Variants in KCMF1 observed in about 807,000 individuals in gnomAD.
KCMF1 encodes the protein potassium channel modulatory factor 1, also known as E3 ubiquitin-protein ligase KCMF1.
A neutral mutation model predicts 41.1 loss-of-function variants in KCMF1; 3 were observed. The ratio of observed to expected loss-of-function variants is 0.07; its 90% confidence interval spans 0.03 to 0.19. The LOEUF is 0.19. Among genes scored for constraint, KCMF1 ranks in the 10% least tolerant of loss-of-function variants. The pLI is 1.00. For synonymous variants in KCMF1, 142 were observed against 164.5 expected (o/e 0.86, Z 1.04); for missense variants, 286 against 488.9 (o/e 0.58, Z 3.91).
At chr2:85,042,517 G>A (rs948057349) in intron 3 of KCMF1, among the ~76,000 whole-genome samples, 1 of 152,118 alleles carries the variant, frequency 6.6e-6, no homozygotes, top group African/African-American at 2.4e-5. Flanking sequence ...CACATGTACT[G>A]GCAATGAATC....
At chr2:84,971,877 C>T (rs930633694) in intron 1 of KCMF1, 1 of 151,872 alleles carries the variant, frequency 6.6e-6, no homozygotes, top group African/African-American at 2.4e-5. Context: ...CCGGTGTGGT[C>T]GCAGAGCCGG....
Position 85,026,248 on chromosome 2 carries a change from C to A in KCMF1, c.17-1641C>A, listed in dbSNP as rs537194730. Among the ~76,000 whole-genome samples, 24 of 151,982 alleles carry A rather than the reference C, an allele frequency of 1.6e-4. No individual in the cohort carries two copies. In the South Asian group the frequency reaches 2.9e-3, roughly 18 times the overall value. Reference sequence around the variant, plus strand: ...TCAGGTGATCCGCCCACCTCAGTCTCCCAAAGTGCTGAGATTACAGGCGTG... The same window carrying A: ...TCAGGTGATCCGCCCACCTCAGTCTACCAAAGTGCTGAGATTACAGGCGTG... On this transcript the variant is annotated intron_variant, in intron 1 of 6. Transcript: ENST00000409785.
chr2:85,008,453 GAT>G (rs1201734381), intron 1 of KCMF1, among the ~76,000 whole-genome samples: 4 of 108,734 alleles, frequency 3.7e-5, no homozygotes, highest in Non-Finnish European at 6.1e-5. Flanking sequence ...ATATATCTGA[GAT>G]ATATGTTACA....
At chr2:85,039,969 C>T (rs1035986596) in intron 3 of KCMF1, among the ~76,000 whole-genome samples, 11 of 152,034 alleles carry the variant, frequency 7.2e-5, no homozygotes, top group South Asian at 4.2e-4. Flanking sequence ...TGTGCCACCA[C>T]GCCTGGCTAA....
chr2:85,007,093 C>T (rs1163595961), intron 1 of KCMF1, among the ~76,000 whole-genome samples: 2 of 137,842 alleles, frequency 1.5e-5, no homozygotes, highest in Admixed American at 1.5e-4. Flanking sequence ...AAGAGCAAAA[C>T]TCAGTCTCAA....
At chr2:85,047,306 G>T (rs1468246745) in intron 5 of KCMF1, among the ~76,000 whole-genome samples, 16 of 152,010 alleles carry the variant, frequency 1.1e-4, no homozygotes, top group Admixed American at 1.0e-3. Flanking sequence ...TGAAATTAAG[G>T]TTTTATAAGG....
At chr2:85,045,468 A>G (rs1417776982) in intron 4 of KCMF1, among the ~76,000 whole-genome samples, 3 of 152,146 alleles carry the variant, frequency 2.0e-5, no homozygotes, top group African/African-American at 7.2e-5. Context: ...TGCATTATAA[A>G]GCTGGTCTGT....
intron 5 of KCMF1, 107 bp from the exon 6 acceptor site, chr2:85,049,259 T>A: frequency 8.7e-7 from 1 of 1,144,434 alleles, no homozygotes; most frequent in Non-Finnish European, 1.3e-6. Context: ...GGTGGTTACC[T>A]ACCTGTTCAC....
intron 1 of KCMF1, among the ~76,000 whole-genome samples, chr2:85,000,191 T>A (rs2103988908): frequency 6.6e-6 from 1 of 152,296 alleles, no homozygotes; most frequent in East Asian, 1.9e-4. Flanking sequence ...AGTGGCACAG[T>A]CTCGGCTCAC....
Position 85,054,727 on chromosome 2 carries a change from G to A in KCMF1, c.*1318G>A, listed in dbSNP as rs570343127. 1.2e-4 allele frequency: 18 copies of A among 152,182 alleles called. No individual in the cohort carries two copies. Among genetic ancestry groups the A allele is most frequent in the African/African-American group, 4.3e-4 (18 of 41,470 alleles). The allele number at this position is 152,182 out of a possible 1,614,324, so 9.4% of individuals were successfully genotyped here. A position where few individuals can be genotyped will look rare whatever the true frequency, so the allele number is the denominator to read the frequency against. ...ATGTAAATTTAGGACTTTTAAAAAG[G>A]TGCGCACAGCTTCTGATAAATTTAT... On this transcript the variant is annotated 3_prime_UTR_variant, in exon 7 of 7. Transcript: ENST00000409785.
At chr2:85,033,280 G>A (rs1675322596) in intron 2 of KCMF1, among the ~76,000 whole-genome samples, 1 of 152,108 alleles carries the variant, frequency 6.6e-6, no homozygotes, top group Non-Finnish European at 1.5e-5. Context: ...TAAATTTGGT[G>A]TTTGTTTTAT....
Position 85,027,891 on chromosome 2 carries a change from G to T in KCMF1, c.19G>T (p.Val7Phe). The T allele has an allele frequency of 6.3e-7, 1 of 1,593,928 alleles. No individual in the cohort carries two copies. The highest frequency in any genetic ancestry group is 8.5e-7 in the Non-Finnish European group (1 of 1,170,944). Residue 7 changes from valine to phenylalanine, a missense_variant and splice_region_variant, in exon 2 of 7, where the codon GTC (valine) becomes TTC (phenylalanine). Physicochemically the swap from Val to Phe is conservative, Grantham distance 50. This residue lies in a region of KCMF1 where 95 missense variants were observed against 209.6 expected (regional missense o/e 0.45). Coordinates refer to ENST00000409785, the MANE Select transcript of KCMF1 (RefSeq NM_020122.5). Reference protein sequence around the residue: MSRHEGVSCDACLKGNF... With the variant: MSRHEGFSCDACLKGNF... ...AAAGATATTTCTTTTTTTTATAGGT[G>T]TCAGCTGTGATGCATGTTTAAAAGG...
intron 1 of KCMF1, among the ~76,000 whole-genome samples, chr2:84,981,294 A>C (rs1396805498): frequency 2.0e-5 from 3 of 150,216 alleles, no homozygotes; most frequent in African/African-American, 7.4e-5. Context: ...GGTTCATGCC[A>C]TTCTCCTGCC....
At chr2:84,993,725 G>A (rs893268690) in intron 1 of KCMF1, among the ~76,000 whole-genome samples, 11 of 151,380 alleles carry the variant, frequency 7.3e-5, no homozygotes, top group South Asian at 4.2e-4. Context: ...ACAGGCATGC[G>A]CCACCGTGCC....
intron 1 of KCMF1, 48 bp from the exon 2 acceptor site, chr2:85,027,839 CAA>C (rs770107435): frequency 6.0e-6 from 7 of 1,157,426 alleles, no homozygotes; most frequent in South Asian, 1.5e-5. Context: ...AAAATGAAAT[CAA>C]GAGTGGCCTT....
At chr2:85,003,209 C>T (rs1301120242) in intron 1 of KCMF1, among the ~76,000 whole-genome samples, 2 of 152,150 alleles carry the variant, frequency 1.3e-5, no homozygotes, top group Admixed American at 1.3e-4. Context: ...CGCGGTGGCT[C>T]ACGCCTGTAA....
At chr2:85,025,169 C>T (rs1383816549) in intron 1 of KCMF1, among the ~76,000 whole-genome samples, 1 of 152,078 alleles carries the variant, frequency 6.6e-6, no homozygotes, top group East Asian at 1.9e-4. Flanking sequence ...GTATTGAATC[C>T]ACAAATCTGT....
rs1245767474 is a variant in KCMF1, at chr2:85,055,410, T to C, written c.*2001T>C. The C allele has an allele frequency of 6.6e-6, 1 of 152,202 alleles. No homozygotes were observed. Among genetic ancestry groups the C allele is most frequent in the Non-Finnish European group, 1.5e-5 (1 of 68,036 alleles). 9.4% of individuals were successfully genotyped at this position (152,202 alleles called of 1,614,324 possible). On this transcript the variant is annotated 3_prime_UTR_variant, in exon 7 of 7. Coordinates refer to ENST00000409785, the MANE Select transcript of KCMF1 (RefSeq NM_020122.5). Reference sequence around the variant, plus strand: ...AGAAATAAATGCCAATTATATGTACTTTCCCTTTTCTGCACAAATTCTGGG... The same window carrying C: ...AGAAATAAATGCCAATTATATGTACCTTCCCTTTTCTGCACAAATTCTGGG...
intron 1 of KCMF1, among the ~76,000 whole-genome samples, chr2:84,984,088 G>A (rs1303185428): frequency 6.6e-6 from 1 of 152,152 alleles, no homozygotes; most frequent in Non-Finnish European, 1.5e-5. Context: ...GTCTAAAGTA[G>A]CTCATACTCT....
Sources: allele counts gnomAD v4.1 joint callset (sites outside exome capture counted in the v4.1 genomes callset), GRCh38; gene constraint gnomAD v4.1.1; regional missense constraint gnomAD v4.1.1; transcripts MANE v1.5; gene names NCBI Gene and HGNC (gene_info 2026-07-23, HGNC 2026-07-21).